ATP5PF: variants seen among roughly 807,000 people sequenced by gnomAD.
ATP5PF encodes the protein ATP synthase peripheral stalk subunit F6, mitochondrial.
In ATP5PF, 7 loss-of-function variants were observed where a neutral mutation model predicts 12.0. The ratio of observed to expected loss-of-function variants is 0.58; its 90% CI spans 0.33 to 1.10. ATP5PF has a LOEUF of 1.10. ATP5PF is among the 50% of genes least tolerant of loss of function. ATP5PF has a pLI of 0.03. For synonymous variants in ATP5PF, 41 were observed against 45.4 expected, an observed-to-expected ratio of 0.90 and a Z score of 0.39; for missense variants, 120 against 127.7, an observed-to-expected ratio of 0.94 and a Z score of 0.29.
At chr21:25,733,076 T>C (rs138306298) in intron 1 of ATP5PF, among the ~76,000 whole-genome samples, 1 of 151,710 alleles carries the variant, frequency 6.6e-6, no homozygotes, top group Non-Finnish European at 1.5e-5. Context: ...AGCAAACTGT[T>C]TGAAGAAATT....
intron 1 of ATP5PF, among the ~76,000 whole-genome samples, chr21:25,730,259 G>A (rs1297844541): frequency 6.6e-6 from 1 of 152,162 alleles, no homozygotes; most frequent in African/African-American, 2.4e-5. Flanking sequence ...TGCTCTGCCT[G>A]TTACAAATGG....
At chr21:25,733,210 C>T (rs1334739046) in intron 1 of ATP5PF, among the ~76,000 whole-genome samples, 1 of 151,954 alleles carries the variant, frequency 6.6e-6, no homozygotes, top group East Asian at 1.9e-4. Context: ...TATGTTTAAA[C>T]ACACAGAAAC....
At chr21:25,733,444 G>A (rs1323734114) in intron 1 of ATP5PF, among the ~76,000 whole-genome samples, 1 of 152,098 alleles carries the variant, frequency 6.6e-6, no homozygotes, top group African/African-American at 2.4e-5. Flanking sequence ...GCAGAAGGGC[G>A]TAAACCTGGA....
At chr21:25,725,438 CTTTT>C (rs901670241) in intron 2 of ATP5PF, 88 bp from the exon 3 acceptor site, 14 of 1,033,620 alleles carry the variant, frequency 1.4e-5, no homozygotes, top group Admixed American at 3.8e-5. Flanking sequence ...TCCAACAGAT[CTTTT>C]TTTTTTTTTC....
In ATP5PF at chr21:25,725,433, C is replaced by T. The variant is rs910402892; in HGVS notation, c.165-83G>A. The T allele has an allele frequency of 1.2e-5, 16 of 1,350,008 alleles. No homozygotes were observed. In the Middle Eastern group the frequency reaches 8.1e-4, roughly 68 times the overall value. 83.6% of individuals were successfully genotyped at this position (1,350,008 alleles called of 1,614,324 possible). On this transcript the variant is annotated intron_variant, in intron 2 of 3. Transcript: ENST00000284971. ...ATTACTTTTCACCACCACATTCCAA[C>T]AGATCTTTTTTTTTTTTTCTTTTTT...
At chr21:25,730,736 C>CACAAAAAAAAAAAAAAAAAAAAAAAAAAA (rs1219090743) in intron 1 of ATP5PF, among the ~76,000 whole-genome samples, 1 of 31,880 alleles carries the variant, frequency 3.1e-5, no homozygotes, top group Non-Finnish European at 7.0e-5. Context: ...CTCCGTCTCA[C>CACAAAAAAAAAAAAAAAAAAAAAAAAAAA]AAAAAAAAAA....
intron 2 of ATP5PF, 126 bp downstream of exon 2, chr21:25,729,505 C>G: frequency 1.2e-6 from 1 of 832,584 alleles, no homozygotes; most frequent in South Asian, 2.8e-5. Flanking sequence ...ACCTAATGAA[C>G]CTCTATGTCA....
chr21:25,734,312 C>A, intron 1 of ATP5PF: 3 of 985,482 alleles, frequency 3.0e-6, no homozygotes, highest in Non-Finnish European at 3.6e-6. Flanking sequence ...GAGCATGGTT[C>A]TATTTATAGT....
chr21:25,734,960 G>A, upstream of ATP5PF: 6 of 1,571,964 alleles, frequency 3.8e-6, no homozygotes, highest in Non-Finnish European at 5.2e-6. Flanking sequence ...ATGCATTATG[G>A]GCCGCCGTTT....
chr21:25,727,925 C>G (rs1208932858), intron 2 of ATP5PF, among the ~76,000 whole-genome samples: 1 of 152,114 alleles, frequency 6.6e-6, no homozygotes, highest in East Asian at 1.9e-4. Context: ...CACAGAGTAA[C>G]TTACTACATT....
upstream of ATP5PF, chr21:25,735,427 G>C (rs1258756806): frequency 5.9e-6 from 1 of 169,716 alleles, no homozygotes; most frequent in East Asian, 1.7e-4. Flanking sequence ...TCTCAGCGCC[G>C]ATTCCGCGGG....
At chr21:25,724,742 G>T (rs73161764) in intron 3 of ATP5PF, 65 bp from the exon 4 acceptor site, 271,966 of 1,493,230 alleles carry the variant, frequency 0.18, 26,220 homozygotes, top group East Asian at 0.32. Context: ...TATGTAGAAT[G>T]CTCAAGATTT....
intron 2 of ATP5PF, among the ~76,000 whole-genome samples, chr21:25,725,784 G>A (rs1056673616): frequency 1.3e-5 from 2 of 152,170 alleles, no homozygotes; most frequent in Non-Finnish European, 2.9e-5. Context: ...AAAGACTTCA[G>A]AAAGAAAATA....
upstream of ATP5PF, chr21:25,735,029 G>T (rs756849107): frequency 1.3e-6 from 2 of 1,488,524 alleles, no homozygotes; most frequent in Non-Finnish European, 1.8e-6. Context: ...GACCGGACGG[G>T]TCTAGGTGAG....
chr21:25,724,552 G>A lies in ATP5PF; in HGVS notation c.*88C>T, dbSNP rs1214030750. On this transcript the variant is annotated 3_prime_UTR_variant, in exon 4 of 4. Coordinates refer to ENST00000284971, the MANE Select transcript of ATP5PF (RefSeq NM_001003703.2). ...CTCAGAATTAAAAGAACATTTGACA[G>A]TTATGAAATGCATGTTTATTCTGAA... 7.2e-7 allele frequency: 1 copy of A among 1,388,920 alleles called. No homozygotes were observed. Among genetic ancestry groups the A allele is most frequent in the East Asian group, 2.3e-5 (1 of 42,848 alleles). 86.0% of individuals were successfully genotyped at this position (1,388,920 alleles called of 1,614,324 possible). A position where few individuals can be genotyped will look rare whatever the true frequency, so the allele number is the denominator to read the frequency against.
chr21:25,734,374 T>G lies in ATP5PF; in HGVS notation c.-8+479A>C, dbSNP rs958822221. On this transcript the variant is annotated intron_variant, in intron 1 of 3. Transcript: ENST00000284971. Reference sequence around the variant, plus strand: ...GGTTCGCTGCCTCTTCAGTGCATATTCCTATGAACAATCCATAAAGTCGCC... The same window carrying G: ...GGTTCGCTGCCTCTTCAGTGCATATGCCTATGAACAATCCATAAAGTCGCC... 4.6e-5 allele frequency: 45 copies of G among 988,094 alleles called. No individual in the cohort carries two copies. In the African/African-American group the frequency reaches 7.8e-4, roughly 17 times the overall value. The allele number at this position is 988,094 out of a possible 1,614,324, so 61.2% of individuals were successfully genotyped here.
chr21:25,731,286 G>C (rs2034769660), intron 1 of ATP5PF, among the ~76,000 whole-genome samples: 1 of 152,088 alleles, frequency 6.6e-6, no homozygotes, highest in Non-Finnish European at 1.5e-5. Flanking sequence ...TAAATAATTA[G>C]TAGAATACAT....
At chr21:25,729,825 A>C (rs758330478) in intron 1 of ATP5PF, 24 bp from the exon 2 acceptor site, 34 of 1,606,162 alleles carry the variant, frequency 2.1e-5, no homozygotes, top group Non-Finnish European at 2.9e-5. Context: ...CAAGCAGCAG[A>C]AACGTTAATA....
chr21:25,725,463 C>T lies in ATP5PF; in HGVS notation c.165-113G>A, dbSNP rs545462953. On this transcript the variant is annotated intron_variant, in intron 2 of 3. Coordinates refer to ENST00000284971, the MANE Select transcript of ATP5PF (RefSeq NM_001003703.2). ...CTTTTTTTTTTTTTCTTTTTTGAGACGGAGTCTTGCTTGGTCGCCAGGCTG... is the reference window on the plus strand; with the variant it reads ...CTTTTTTTTTTTTTCTTTTTTGAGATGGAGTCTTGCTTGGTCGCCAGGCTG... 158 of 1,254,812 alleles carry T rather than the reference C, an allele frequency of 1.3e-4. No homozygotes were observed. In the East Asian group the frequency reaches 1.3e-3, roughly 10 times the overall value. 77.7% of individuals were successfully genotyped at this position (1,254,812 alleles called of 1,614,324 possible). A position where few individuals can be genotyped will look rare whatever the true frequency, so the allele number is the denominator to read the frequency against.
Sources: gnomAD v4.1 joint callset for allele counts (sites outside exome capture counted in the v4.1 genomes callset) on GRCh38, gnomAD v4.1.1 for gene constraint, MANE v1.5 for transcripts, NCBI Gene and HGNC (gene_info 2026-07-23, HGNC 2026-07-21) for gene names.